Variants in DLGAP2 observed in about 807,000 individuals in gnomAD.
DLGAP2 encodes the protein disks large-associated protein 2.
In DLGAP2, 26 loss-of-function variants were observed where a neutral mutation model predicts 100.3. That is an observed-to-expected ratio of 0.26 (90% confidence interval 0.19 to 0.36). The LOEUF is 0.36. Among genes scored for constraint, DLGAP2 ranks in the 10% least tolerant of loss-of-function variants. DLGAP2 has a pLI of 1.00. For missense variants in DLGAP2, 1,858 were observed against 1,453.2 expected (o/e 1.28, Z -4.53); for synonymous variants, 886 against 630.1 (o/e 1.41, Z -6.08).
At chr8:1,545,438 A>C (rs1422834232) in intron 4 of DLGAP2, among the ~76,000 whole-genome samples, 1 of 152,236 alleles carries the variant, frequency 6.6e-6, no homozygotes, top group Non-Finnish European at 1.5e-5. Context: ...TTGTACGTTC[A>C]TGAATAAATG....
intron 1 of DLGAP2, among the ~76,000 whole-genome samples, chr8:769,022 A>G (rs1416495040): frequency 6.6e-6 from 1 of 152,000 alleles, no homozygotes; most frequent in Non-Finnish European, 1.5e-5. Flanking sequence ...GGTGACACCA[A>G]GGGATTGTTT....
chr8:889,283 T>G (rs1228353541), intron 1 of DLGAP2, among the ~76,000 whole-genome samples: 1 of 152,200 alleles, frequency 6.6e-6, no homozygotes, highest in African/African-American at 2.4e-5. Context: ...CTCAGAGGCC[T>G]GACAGCAGGC....
chr8:1,697,319 GC>G lies in DLGAP2; in HGVS notation c.2949+22del. The G allele has an allele frequency of 6.4e-7, 1 of 1,573,484 alleles. No individual in the cohort carries two copies. The highest frequency in any genetic ancestry group is 8.7e-7 in the Non-Finnish European group (1 of 1,155,478). On this transcript the variant is annotated intron_variant, in intron 14 of 14. Coordinates refer to ENST00000637795, the MANE Select transcript of DLGAP2 (RefSeq NM_001346810.2). ...AGAAAGGTAAGGGCATCCATGCAGG[GC>G]CGGCTCCCAGCAAACCCCCTTTCTC...
At chr8:1,199,272 C>T (rs577530807) in intron 2 of DLGAP2, among the ~76,000 whole-genome samples, 17 of 152,346 alleles carry the variant, frequency 1.1e-4, no homozygotes, top group African/African-American at 1.2e-4. Flanking sequence ...GAAGACTCTG[C>T]TTCACTCAAC....
chr8:959,295 A>C (rs1456187140), intron 2 of DLGAP2, among the ~76,000 whole-genome samples: 2 of 152,188 alleles, frequency 1.3e-5, no homozygotes, highest in Non-Finnish European at 2.9e-5. Flanking sequence ...AGGAGGTCTC[A>C]AGTGCATTTG....
chr8:966,637 C>T (rs1799878408), intron 2 of DLGAP2, among the ~76,000 whole-genome samples: 1 of 135,412 alleles, frequency 7.4e-6, no homozygotes, highest in African/African-American at 2.5e-5. Context: ...TTCTTTTTCC[C>T]TCTAACAAAA....
chr8:1,258,719 G>A, intron 2 of DLGAP2, 132 bp from the exon 3 acceptor site: 1 of 695,026 alleles, frequency 1.4e-6, no homozygotes, highest in Non-Finnish European at 2.0e-6. Flanking sequence ...TTATGGAAGG[G>A]TCCACTGGCT....
chr8:1,382,394 C>T (rs1242374548), intron 3 of DLGAP2, among the ~76,000 whole-genome samples: 1 of 152,140 alleles, frequency 6.6e-6, no homozygotes, highest in Non-Finnish European at 1.5e-5. Flanking sequence ...TCCAGCAGTT[C>T]CAACCAATGT....
chr8:960,551 G>A (rs1041356964), intron 2 of DLGAP2, among the ~76,000 whole-genome samples: 4 of 152,018 alleles, frequency 2.6e-5, no homozygotes, highest in African/African-American at 9.7e-5. Flanking sequence ...TGTATCTTCT[G>A]TGATCGTAAA....
At chr8:1,266,597 A>G (rs778200390) in intron 3 of DLGAP2, among the ~76,000 whole-genome samples, 18 of 152,134 alleles carry the variant, frequency 1.2e-4, no homozygotes, top group African/African-American at 4.3e-4. Flanking sequence ...GGTCTGTCCA[A>G]TGCTGTTTAA....
At chr8:1,543,160 C>T (rs1475007092) in intron 4 of DLGAP2, among the ~76,000 whole-genome samples, 3 of 152,180 alleles carry the variant, frequency 2.0e-5, no homozygotes, top group African/African-American at 7.2e-5. Flanking sequence ...ATGGCCTTTG[C>T]ATTTTTTTGA....
At chr8:1,624,563 T>TG (rs1273539725) in intron 6 of DLGAP2, among the ~76,000 whole-genome samples, 1 of 151,610 alleles carries the variant, frequency 6.6e-6, no homozygotes, top group Non-Finnish European at 1.5e-5. Flanking sequence ...GCTGTTGACA[T>TG]TTTGCCGCTC....
At chr8:933,539 C>T (rs1298934255) in intron 2 of DLGAP2, among the ~76,000 whole-genome samples, 1 of 117,518 alleles carries the variant, frequency 8.5e-6, no homozygotes, top group Admixed American at 9.4e-5. Context: ...TGGCCGTGGG[C>T]ATGAGGGGAG....
chr8:1,654,521 C>T (rs1008873563), intron 8 of DLGAP2, among the ~76,000 whole-genome samples: 6 of 152,056 alleles, frequency 3.9e-5, no homozygotes, highest in African/African-American at 1.4e-4. Flanking sequence ...ATTAGCCAGG[C>T]ATGGTGGCAA....
chr8:1,632,797 G>C, intron 7 of DLGAP2, 30 bp from the exon 8 acceptor site: 6 of 1,569,118 alleles, frequency 3.8e-6, no homozygotes, highest in Non-Finnish European at 5.2e-6. Flanking sequence ...TGGAGGGCCG[G>C]GGCATCACGT....
At chr8:1,667,273 A>G (rs924773396) in intron 8 of DLGAP2, among the ~76,000 whole-genome samples, 9 of 152,182 alleles carry the variant, frequency 5.9e-5, no homozygotes, top group Admixed American at 5.9e-4. Flanking sequence ...AAGGTGCCTC[A>G]TGCATTTTTG....
At chr8:1,186,357 A>T (rs1255488126) in intron 2 of DLGAP2, among the ~76,000 whole-genome samples, 1 of 152,236 alleles carries the variant, frequency 6.6e-6, no homozygotes. Flanking sequence ...CAGCATCGAC[A>T]TAGAATCTGC....
chr8:1,409,134 C>T (rs4410931), intron 3 of DLGAP2, among the ~76,000 whole-genome samples: 42 of 85,482 alleles, frequency 4.9e-4, no homozygotes, highest in Middle Eastern at 6.8e-3. Flanking sequence ...AGCAGGCGCC[C>T]GGCTCCCCTT....
intron 2 of DLGAP2, among the ~76,000 whole-genome samples, chr8:938,182 A>T (rs1201803216): frequency 2.0e-5 from 3 of 152,118 alleles, no homozygotes; most frequent in African/African-American, 7.2e-5. Context: ...AGTTAGACTC[A>T]GCATGTTTTC....
Sources: gnomAD v4.1 joint callset for allele counts (sites outside exome capture counted in the v4.1 genomes callset) on GRCh38, gnomAD v4.1.1 for gene constraint, MANE v1.5 for transcripts, NCBI Gene and HGNC (gene_info 2026-07-23, HGNC 2026-07-21) for gene names.